Variants in LAMA4 observed in about 807,000 individuals in gnomAD.
The protein encoded by LAMA4 is laminin subunit alpha 4, also known as laminin subunit alpha-4.
LAMA4 carries 127 observed loss-of-function variants against 207.1 expected under a neutral mutation model. That is an observed-to-expected ratio of 0.61 (90% CI 0.53 to 0.71). The LOEUF (loss-of-function observed/expected upper bound fraction) is 0.71. Among genes scored for constraint, LAMA4 ranks in the 30% least tolerant of loss-of-function variants. The pLI is 0.00. For missense variants in LAMA4, 2,093 were observed against 2,246.5 expected, an observed-to-expected ratio of 0.93 and a Z score of 1.38; for synonymous variants, 761 against 816.0, an observed-to-expected ratio of 0.93 and a Z score of 1.15.
At chr6:112,133,588 G>T in intron 26 of LAMA4, 101 bp from the exon 27 acceptor site, 1 of 1,318,302 alleles carries the variant, frequency 7.6e-7, no homozygotes, top group Middle Eastern at 1.8e-4. Flanking sequence ...ATTTGTAATG[G>T]CTTTATAATC....
At chr6:112,155,735 C>T in intron 14 of LAMA4, 29 bp from the exon 15 acceptor site, 1 of 1,611,438 alleles carries the variant, frequency 6.2e-7, no homozygotes, top group Non-Finnish European at 8.5e-7. Context: ...TGTTATTTCT[C>T]CTTCTTACCT....
At chr6:112,112,856 T>C (rs1287719298) in intron 38 of LAMA4, among the ~76,000 whole-genome samples, 2 of 152,226 alleles carry the variant, frequency 1.3e-5, no homozygotes, top group Non-Finnish European at 2.9e-5. Context: ...TCTGTCTTTA[T>C]GGGTCAGTTT....
intron 22 of LAMA4, 119 bp downstream of exon 22, chr6:112,140,641 C>T: frequency 2.3e-6 from 2 of 866,916 alleles, no homozygotes; most frequent in African/African-American, 1.7e-5. Flanking sequence ...AATTCTACTC[C>T]CCCATGAACT....
intron 2 of LAMA4, among the ~76,000 whole-genome samples, chr6:112,232,091 C>G (rs781908204): frequency 6.6e-6 from 1 of 152,146 alleles, no homozygotes; most frequent in African/African-American, 2.4e-5. Flanking sequence ...GATCTTTAGG[C>G]TAAAATCCAA....
chr6:112,224,516 G>C (rs1284472564), intron 2 of LAMA4, among the ~76,000 whole-genome samples: 1 of 152,136 alleles, frequency 6.6e-6, no homozygotes, highest in East Asian at 1.9e-4. Flanking sequence ...TGGAATTCCA[G>C]TACTTAACAT....
At chr6:112,168,149 G>A (rs1273817015) in intron 12 of LAMA4, among the ~76,000 whole-genome samples, 9 of 148,950 alleles carry the variant, frequency 6.0e-5, no homozygotes, top group Non-Finnish European at 1.0e-4. Flanking sequence ...AGTGAGCTGA[G>A]ATCGCGCCAC....
rs576885972 is a variant in LAMA4, at chr6:112,184,324, GA to G, written c.1077+912del. On this transcript the variant is annotated intron_variant, in intron 9 of 38. Transcript: ENST00000230538. The stretch of plus-strand genomic sequence containing the variant: ...GGCCAGTACTGGTGGAATATCATTA[GA>G]AAAAAAAAAAAAAACTGTGTTAAAC... Among the ~76,000 whole-genome samples the G allele has an allele frequency of 4.1e-3, 497 of 120,772 alleles. 2 individuals carry two copies. The highest frequency in any genetic ancestry group is 5.5e-3 in the Admixed American group (65 of 11,746). The allele number at this position is 120,772 out of a possible 152,430, so 79.2% of individuals were successfully genotyped here. A position where few individuals can be genotyped will look rare whatever the true frequency, so the allele number is the denominator to read the frequency against.
chr6:112,145,736 A>G (rs559899112), intron 18 of LAMA4, among the ~76,000 whole-genome samples: 1 of 152,148 alleles, frequency 6.6e-6, no homozygotes, highest in Non-Finnish European at 1.5e-5. Flanking sequence ...CCCAAAGCAC[A>G]GTTTGTTTCT....
At chr6:112,201,715 T>C (rs1394481567) in intron 4 of LAMA4, 27 bp from the exon 5 acceptor site, 1 of 1,568,108 alleles carries the variant, frequency 6.4e-7, no homozygotes, top group Non-Finnish European at 8.8e-7. Context: ...ATATTGGAAG[T>C]CAATTCCATA....
rs1554333156 is a variant in LAMA4 at position 112,141,323 on chromosome 6, G to A, written c.2813+35C>T. On this transcript the variant is annotated intron_variant, in intron 21 of 38. Transcript: ENST00000230538. ...ACGTTCAACAGGTTTCTTGTGATAT[G>A]TGCATATATGCCCTGTGTCATGGAT... 5.6e-6 allele frequency: 9 copies of A among 1,604,388 alleles called. No individual in the cohort carries two copies. The Admixed American group carries it at 6.7e-5, about 12-fold the overall frequency.
intron 3 of LAMA4, among the ~76,000 whole-genome samples, chr6:112,215,498 T>G (rs193126675): frequency 3.3e-5 from 5 of 150,380 alleles, no homozygotes; most frequent in African/African-American, 1.2e-4. Context: ...TTATAGTTTA[T>G]GCAAAAATAC....
rs200238782 is a variant in LAMA4 at position 112,115,987 on chromosome 6, G to A, written c.4988C>T (p.Ser1663Phe). Residue 1663 changes from serine (S) to phenylalanine (F), a missense_variant, in exon 36 of 39, where the codon TCT (serine) becomes TTT (phenylalanine). Around this residue, in one of 3 missense-constraint regions of LAMA4, gnomAD observed 383 missense variants for 437.8 expected, o/e 0.87. Transcript: ENST00000230538. ...TEGGYVVLDE[S>F]FNIGLKFEIA... ...TTCAAACTTCAATCCAATATTGAAA[G>A]ATTCATCTGTGGAGAGAAACACTAT... is the stretch of plus-strand genomic sequence containing the variant. The A allele has an allele frequency of 2.5e-6, 4 of 1,612,760 alleles. No homozygotes were observed. In the African/African-American group the frequency reaches 5.3e-5, roughly 22 times the overall value.
At chr6:112,183,233 C>T (rs1554345702) in intron 9 of LAMA4, among the ~76,000 whole-genome samples, 1 of 152,154 alleles carries the variant, frequency 6.6e-6, no homozygotes, top group African/African-American at 2.4e-5. Context: ...CACAGCTTTC[C>T]TTAAATCTAA....
chr6:112,254,556 G>T lies in LAMA4; in HGVS notation c.-239C>A. 1 of 285,022 alleles carries T rather than the reference G, an allele frequency of 3.5e-6. No homozygotes were observed. The highest frequency in any genetic ancestry group is 9.5e-5 in the East Asian group (1 of 10,498). The allele number at this position is 285,022 out of a possible 1,614,324, so 17.7% of individuals were successfully genotyped here. On this transcript the variant is annotated 5_prime_UTR_variant, in exon 1 of 39. Transcript: ENST00000230538. ...TCGGGACTGGGGACTGCGCTGTCCT[G>T]GCTTCCTTCTCACATTCATTCTCAC...
chr6:112,109,466 C>G lies in LAMA4; in HGVS notation c.5443G>C (p.Val1815Leu). ...FSKAALVSGAVSINSCPAA is the reference protein window; with the variant it reads ...FSKAALVSGALSINSCPAA ...GCTGCTGGACAGGAGTTGATGCTTA[C>G]GGCGCCGCTGACCAGGGCTGCTTTA... is the stretch of plus-strand genomic sequence containing the variant. The change falls in exon 39 of 39, where the codon GTA becomes CTA. Residue 1815 changes from valine (V) to leucine (L), a missense_variant. Val to Leu is a conservative substitution (Grantham distance 32). Coordinates refer to ENST00000230538, the MANE Select transcript of LAMA4 (RefSeq NM_001105206.3). The G allele has an allele frequency of 6.2e-7, 1 of 1,614,012 alleles. No homozygotes were observed. The highest frequency in any genetic ancestry group is 8.5e-7 in the Non-Finnish European group (1 of 1,179,986).
At chr6:112,119,624 A>G (rs1778228555) in intron 33 of LAMA4, among the ~76,000 whole-genome samples, 1 of 151,900 alleles carries the variant, frequency 6.6e-6, no homozygotes, top group South Asian at 2.1e-4. Flanking sequence ...TTTTTTCATG[A>G]TCATCTTCCA....
chr6:112,231,254 A>G (rs967268062), intron 2 of LAMA4, among the ~76,000 whole-genome samples: 1 of 152,134 alleles, frequency 6.6e-6, no homozygotes, highest in African/African-American at 2.4e-5. Context: ...CTCCCCAGTC[A>G]TCTTGGAGGG....
intron 13 of LAMA4, chr6:112,163,894 AC>A (rs1236447126): frequency 2.0e-5 from 3 of 152,218 alleles, no homozygotes; most frequent in Non-Finnish European, 4.4e-5. Flanking sequence ...GAGGAGTGAA[AC>A]CCTGCAACCT....
intron 5 of LAMA4, among the ~76,000 whole-genome samples, chr6:112,192,467 C>T (rs2114968889): frequency 6.6e-6 from 1 of 152,308 alleles, no homozygotes; most frequent in South Asian, 2.1e-4. Flanking sequence ...CTGAGCAAAG[C>T]CAGCCTGGAG....
Sources: allele counts gnomAD v4.1 joint callset (sites outside exome capture counted in the v4.1 genomes callset), GRCh38; gene constraint gnomAD v4.1.1; regional missense constraint gnomAD v4.1.1; transcripts MANE v1.5; gene names NCBI Gene and HGNC (gene_info 2026-07-23, HGNC 2026-07-21).